Variants in ASB15 observed in about 807,000 individuals in gnomAD.
The protein encoded by ASB15 is ankyrin repeat and SOCS box protein 15.
In ASB15, 54 loss-of-function variants were observed where a neutral mutation model predicts 58.0. The observed-to-expected ratio is 0.93, with a 90% CI of 0.75 to 1.17. The LOEUF is 1.17. ASB15 is among the 50% of genes most tolerant of loss of function. The pLI is 0.00. For missense variants in ASB15, 680 were observed against 707.4 expected (o/e 0.96, Z 0.44); for synonymous variants, 249 against 262.4 (o/e 0.95, Z 0.50).
intron 9 of ASB15, among the ~76,000 whole-genome samples, chr7:123,627,738 CA>C (rs1801889116): frequency 6.6e-6 from 1 of 152,126 alleles, no homozygotes; most frequent in African/African-American, 2.4e-5. Context: ...AGAAAAGTTT[CA>C]TTATAAGTTT....
At position 123,629,392 on chromosome 7, in the gene ASB15, G is replaced by A. The variant is rs1276025963; in HGVS notation, c.1398G>A (p.Glu466=). The A allele has an allele frequency of 6.2e-7, 1 of 1,613,122 alleles. No individual in the cohort carries two copies. The highest frequency in any genetic ancestry group is 8.5e-7 in the Non-Finnish European group (1 of 1,179,896). ...NSFVWSEIQE[E]VLPGWTSCVI... ...TTGTGTGGTCAGAGATACAGGAAGA[G>A]GTGCTGCCAGGATGGACATCTTGTG... Residue 466 remains glutamate (E), a synonymous_variant, in exon 10 of 12, where the codon GAG becomes GAA. Transcript: ENST00000451215.
chr7:123,591,095 CTGTT>C (rs986032145), intron 1 of ASB15, among the ~76,000 whole-genome samples: 129 of 152,220 alleles, frequency 8.5e-4, no homozygotes, highest in African/African-American at 2.8e-3. Flanking sequence ...ATTTGGCTCT[CTGTT>C]TGTCTGTTCT....
intron 1 of ASB15, among the ~76,000 whole-genome samples, chr7:123,578,903 G>GTATTTTATTT (rs1048159364): frequency 6.6e-6 from 1 of 151,992 alleles, no homozygotes; most frequent in Non-Finnish European, 1.5e-5. Flanking sequence ...TACATGCAAG[G>GTATTTTATTT]TATTTTATTT....
At chr7:123,585,457 C>T (rs529743222) in intron 1 of ASB15, among the ~76,000 whole-genome samples, 8 of 151,782 alleles carry the variant, frequency 5.3e-5, no homozygotes, top group African/African-American at 1.9e-4. Context: ...ACCCTTTGAC[C>T]TGGATTTCTT....
chr7:123,612,686 A>G (rs79852954), intron 3 of ASB15, among the ~76,000 whole-genome samples: 2,574 of 152,292 alleles, frequency 0.017, 75 homozygotes, highest in African/African-American at 0.059. Flanking sequence ...AAATTTGTTT[A>G]GTTGGAAAAA....
At chr7:123,572,993 A>G (rs1798955896) in intron 1 of ASB15, among the ~76,000 whole-genome samples, 2 of 152,184 alleles carry the variant, frequency 1.3e-5, no homozygotes, top group South Asian at 4.1e-4. Context: ...ATCAAATTTT[A>G]ACAAACGATC....
intron 1 of ASB15, among the ~76,000 whole-genome samples, chr7:123,582,411 C>A (rs76279924): frequency 6.6e-6 from 1 of 151,914 alleles, no homozygotes; most frequent in Non-Finnish European, 1.5e-5. Flanking sequence ...TTTCTCATTG[C>A]CACCGTCCTG....
chr7:123,602,905 C>T (rs1584756482), intron 1 of ASB15, among the ~76,000 whole-genome samples: 1 of 152,242 alleles, frequency 6.6e-6, no homozygotes, highest in South Asian at 2.1e-4. Flanking sequence ...CTCTCCACTG[C>T]CCACTAGATA....
chr7:123,577,609 A>G (rs1178415843), intron 1 of ASB15, among the ~76,000 whole-genome samples: 1 of 152,168 alleles, frequency 6.6e-6, no homozygotes, highest in Non-Finnish European at 1.5e-5. Context: ...GAAAACTCCA[A>G]AATGTGGTCC....
chr7:123,572,999 C>T (rs56215737), intron 1 of ASB15, among the ~76,000 whole-genome samples: 3,784 of 151,964 alleles, frequency 0.025, 73 homozygotes, highest in Middle Eastern at 0.037. Context: ...TTTTAACAAA[C>T]GATCAGCTAT....
rs2116614974 is a variant in ASB15 at position 123,624,497 on chromosome 7, G to A, written c.452-72G>A. The A allele has an allele frequency of 3.6e-6, 5 of 1,386,940 alleles. No individual in the cohort carries two copies. The South Asian group carries it at 6.6e-5, about 18-fold the overall frequency. 85.9% of individuals were successfully genotyped at this position (1,386,940 alleles called of 1,614,324 possible). A position where few individuals can be genotyped will look rare whatever the true frequency, so the allele number is the denominator to read the frequency against. Reference sequence around the variant, plus strand: ...AGTATCTATTTCAATATTAAATTTAGTAATTAGTTTAATACCACCTAAGGT... The same window carrying A: ...AGTATCTATTTCAATATTAAATTTAATAATTAGTTTAATACCACCTAAGGT... On this transcript the variant is annotated intron_variant, in intron 7 of 11. Transcript: ENST00000451215.
intron 7 of ASB15, among the ~76,000 whole-genome samples, chr7:123,618,639 G>C (rs1472279646): frequency 6.6e-6 from 1 of 152,096 alleles, no homozygotes; most frequent in African/African-American, 2.4e-5. Context: ...AGCAGGAGGA[G>C]AGGGAGGAAA....
chr7:123,633,798 T>C (rs550460191), intron 11 of ASB15, among the ~76,000 whole-genome samples: 1 of 152,194 alleles, frequency 6.6e-6, no homozygotes, highest in East Asian at 1.9e-4. Context: ...TTTTGAGAAA[T>C]GGATGATTGT....
chr7:123,603,533 C>T (rs138771665), intron 1 of ASB15, among the ~76,000 whole-genome samples: 1 of 150,532 alleles, frequency 6.6e-6, no homozygotes, highest in Non-Finnish European at 1.5e-5. Flanking sequence ...AACACCTTTT[C>T]TGGGAGGGTG....
intron 1 of ASB15, among the ~76,000 whole-genome samples, chr7:123,579,567 G>T (rs1390624867): frequency 6.6e-6 from 1 of 151,966 alleles, no homozygotes; most frequent in East Asian, 1.9e-4. Flanking sequence ...TAGCCTGAGG[G>T]CTTAATAGAT....
chr7:123,590,461 C>T (rs1287467911), intron 1 of ASB15, among the ~76,000 whole-genome samples: 1 of 152,142 alleles, frequency 6.6e-6, no homozygotes, highest in Non-Finnish European at 1.5e-5. Flanking sequence ...TTAGGTCTTA[C>T]ATTTAAGTCT....
intron 1 of ASB15, among the ~76,000 whole-genome samples, chr7:123,574,104 T>C (rs370015428): frequency 7.9e-5 from 12 of 152,180 alleles, no homozygotes; most frequent in African/African-American, 2.9e-4. Flanking sequence ...AAATATCCCC[T>C]TTGGAGTGCC....
intron 3 of ASB15, among the ~76,000 whole-genome samples, chr7:123,613,087 G>A (rs1800566548): frequency 1.3e-5 from 2 of 151,846 alleles, no homozygotes; most frequent in Non-Finnish European, 1.5e-5. Flanking sequence ...TATACCTTTT[G>A]TTCTGAGGTG....
At chr7:123,629,655 T>A (rs1802018870) in intron 10 of ASB15, among the ~76,000 whole-genome samples, 1 of 151,978 alleles carries the variant, frequency 6.6e-6, no homozygotes, top group South Asian at 2.1e-4. Flanking sequence ...ACTTGAAAAC[T>A]GAATGTAGAA....
Sources: gnomAD v4.1 joint callset for allele counts (sites outside exome capture counted in the v4.1 genomes callset) on GRCh38, gnomAD v4.1.1 for gene constraint, MANE v1.5 for transcripts, NCBI Gene and HGNC (gene_info 2026-07-23, HGNC 2026-07-21) for gene names.